Variants in ATRNL1 observed in about 807,000 individuals in gnomAD.
ATRNL1 encodes the protein attractin-like protein 1.
A neutral mutation model predicts 182.7 loss-of-function variants in ATRNL1; 95 were observed. The observed-to-expected ratio is 0.52, with a 90% confidence interval of 0.44 to 0.62. The LOEUF is 0.62. ATRNL1 is among the 20% of genes least tolerant of loss of function. The probability of loss-of-function intolerance (pLI) is 0.00; values close to 1 mark genes in which losing one functional copy is unlikely to be tolerated. For missense variants in ATRNL1, 1,471 were observed against 1,679.5 expected, an observed-to-expected ratio of 0.88 and a Z score of 2.17; for synonymous variants, 576 against 568.3, an observed-to-expected ratio of 1.01 and a Z score of -0.19.
intron 27 of ATRNL1, among the ~76,000 whole-genome samples, chr10:115,738,125 GATTTTTTT>G (rs1293552840): frequency 7.5e-5 from 4 of 53,150 alleles, no homozygotes; most frequent in African/African-American, 2.3e-4. Flanking sequence ...AGAAGATAAT[GATTTTTTT>G]TTTTTTTTTT....
In ATRNL1 at chr10:115,127,607, C is replaced by G; in HGVS notation, c.506C>G (p.Pro169Arg). 3 of 1,608,878 alleles carry G rather than the reference C, an allele frequency of 1.9e-6. No homozygotes were observed. Among genetic ancestry groups the G allele is most frequent in the Non-Finnish European group, 2.5e-6 (3 of 1,177,602 alleles). The change falls in exon 4 of 29, where the codon CCT becomes CGT. Residue 169 changes from proline (P) to arginine (R), a missense_variant. Physicochemically the swap from Pro to Arg is moderately radical, Grantham distance 103. Around this residue, in one of 3 missense-constraint regions of ATRNL1, gnomAD observed 1,031 missense variants for 1,156.0 expected, o/e 0.89. Transcript: ENST00000355044. Reference sequence around the variant, plus strand: ...TTCTCTTTTAGTGGTTTGATAGTCCCTGAAATAAGGGGCAATGAAACTGTG... The same window carrying G: ...TTCTCTTTTAGTGGTTTGATAGTCCGTGAAATAAGGGGCAATGAAACTGTG... Reference protein sequence around the residue: ...LIAVLSGLIVPEIRGNETVPE... With the variant: ...LIAVLSGLIVREIRGNETVPE...
chr10:115,458,081 T>A (rs915906534), intron 21 of ATRNL1, among the ~76,000 whole-genome samples: 10 of 152,162 alleles, frequency 6.6e-5, no homozygotes. Flanking sequence ...GCATAAAAAT[T>A]TATTTTCAAG....
At chr10:115,375,225 C>G (rs1191940946) in intron 19 of ATRNL1, among the ~76,000 whole-genome samples, 1 of 151,344 alleles carries the variant, frequency 6.6e-6, no homozygotes, top group Non-Finnish European at 1.5e-5. Context: ...TTTTTATTAC[C>G]TAATGACCTT....
At chr10:115,331,666 G>A (rs538520256) in intron 18 of ATRNL1, among the ~76,000 whole-genome samples, 2 of 151,252 alleles carry the variant, frequency 1.3e-5, no homozygotes, top group East Asian at 2.0e-4. Flanking sequence ...TGACAAATTA[G>A]GTATTTTTTT....
chr10:115,312,157 A>C (rs1462373490), intron 17 of ATRNL1, among the ~76,000 whole-genome samples: 1 of 151,996 alleles, frequency 6.6e-6, no homozygotes, highest in Non-Finnish European at 1.5e-5. Flanking sequence ...GTTGATTGTT[A>C]CTAGTTACTT....
intron 8 of ATRNL1, among the ~76,000 whole-genome samples, chr10:115,187,999 C>T (rs1269170409): frequency 7.7e-6 from 1 of 129,438 alleles, no homozygotes; most frequent in South Asian, 2.5e-4. Context: ...GAAATACACA[C>T]CAAAGTATTA....
chr10:115,862,350 T>TC (rs1373446008), intron 28 of ATRNL1, among the ~76,000 whole-genome samples: 2 of 152,194 alleles, frequency 1.3e-5, no homozygotes, highest in Non-Finnish European at 2.9e-5. Context: ...CTTTTCACCT[T>TC]CCCTGATGCT....
chr10:115,533,610 C>A (rs1394029929), intron 25 of ATRNL1, among the ~76,000 whole-genome samples: 1 of 151,942 alleles, frequency 6.6e-6, no homozygotes, highest in African/African-American at 2.4e-5. Context: ...TCCTTCAGTT[C>A]TGCTTTGATT....
chr10:115,445,572 T>A (rs1350191095), intron 21 of ATRNL1, among the ~76,000 whole-genome samples: 1 of 146,592 alleles, frequency 6.8e-6, no homozygotes, highest in Non-Finnish European at 1.5e-5. Flanking sequence ...TACATGGACA[T>A]GCCTGGATGT....
At chr10:115,547,308 A>G (rs1335573682) in intron 25 of ATRNL1, among the ~76,000 whole-genome samples, 2 of 151,000 alleles carry the variant, frequency 1.3e-5, no homozygotes, top group African/African-American at 4.9e-5. Context: ...AATTTGAATT[A>G]ACTAGAAAGA....
intron 22 of ATRNL1, among the ~76,000 whole-genome samples, chr10:115,465,783 A>G (rs1483874895): frequency 6.6e-6 from 1 of 151,464 alleles, no homozygotes; most frequent in Non-Finnish European, 1.5e-5. Flanking sequence ...ACTATGTACT[A>G]CTCTAAAAAT....
chr10:115,470,138 T>C (rs1848235711), intron 24 of ATRNL1, among the ~76,000 whole-genome samples: 1 of 150,444 alleles, frequency 6.6e-6, no homozygotes, highest in African/African-American at 2.4e-5. Flanking sequence ...GCTCTGTAAC[T>C]AGAAATGTTT....
intron 26 of ATRNL1, among the ~76,000 whole-genome samples, chr10:115,629,109 T>G (rs969776432): frequency 1.3e-5 from 2 of 152,172 alleles, no homozygotes; most frequent in Non-Finnish European, 2.9e-5. Flanking sequence ...AACTTAGGAA[T>G]TGGGCATTAT....
At chr10:115,320,634 G>A (rs1424609427) in intron 18 of ATRNL1, among the ~76,000 whole-genome samples, 3 of 151,910 alleles carry the variant, frequency 2.0e-5, no homozygotes, top group African/African-American at 4.8e-5. Flanking sequence ...CCTTATTTCA[G>A]CAAGGTGGTC....
intron 25 of ATRNL1, among the ~76,000 whole-genome samples, chr10:115,542,787 G>C (rs1852434110): frequency 1.3e-5 from 2 of 152,062 alleles, no homozygotes; most frequent in Admixed American, 6.6e-5. Context: ...TCAAGATCAG[G>C]GTACCAGTTG....
chr10:115,624,052 CAT>C (rs113009302), intron 26 of ATRNL1, among the ~76,000 whole-genome samples: 6,764 of 151,998 alleles, frequency 0.045, 458 homozygotes, highest in African/African-American at 0.15. Context: ...TCTATACCCA[CAT>C]AGTCATAAAA....
In ATRNL1 at chr10:115,612,267, A is replaced by G. The variant is rs1428689271; in HGVS notation, c.3795+62731A>G. 2.0e-5 allele frequency among the ~76,000 whole-genome samples: 3 copies of G among 152,122 alleles called. 1 individual carries two copies. The East Asian group carries it at 5.8e-4, about 29-fold the overall frequency. On this transcript the variant is annotated intron_variant, in intron 26 of 28. Transcript: ENST00000355044. ...AACTCCATCTCAAAAGAAAAAAAAA[A>G]AAGACAACCGAGGAAGTTTGGCCTT...
chr10:115,149,717 A>G (rs1435646822), intron 5 of ATRNL1, among the ~76,000 whole-genome samples: 9 of 151,972 alleles, frequency 5.9e-5, no homozygotes, highest in African/African-American at 2.2e-4. Flanking sequence ...TATTTTTTTA[A>G]TATGCTGCTG....
intron 24 of ATRNL1, among the ~76,000 whole-genome samples, chr10:115,511,849 T>C (rs1850401628): frequency 6.6e-6 from 1 of 151,902 alleles, no homozygotes; most frequent in Non-Finnish European, 1.5e-5. Context: ...GTTACTGTAG[T>C]TTCAGCTAAC....
Sources: gnomAD v4.1 joint callset for allele counts (sites outside exome capture counted in the v4.1 genomes callset) on GRCh38, gnomAD v4.1.1 for gene constraint, gnomAD v4.1.1 regional missense constraint, MANE v1.5 for transcripts, NCBI Gene and HGNC (gene_info 2026-07-23, HGNC 2026-07-21) for gene names.